Variants in CADPS2 observed in about 807,000 individuals in gnomAD.
CADPS2 encodes the protein calcium-dependent secretion activator 2.
A neutral mutation model predicts 172.5 loss-of-function variants in CADPS2; 93 were observed. That is an observed-to-expected ratio of 0.54 (90% CI 0.46 to 0.64). The LOEUF (loss-of-function observed/expected upper bound fraction) is 0.64, where lower values mean the gene tolerates loss of function less well. CADPS2 is among the 30% of genes least tolerant of loss of function. CADPS2 has a pLI of 0.00. For synonymous variants in CADPS2, 546 were observed against 555.2 expected, an observed-to-expected ratio of 0.98 and a Z score of 0.23; for missense variants, 1,420 against 1,565.9, an observed-to-expected ratio of 0.91 and a Z score of 1.57.
At chr7:122,511,280 C>CCTTT (rs2059982506) in intron 9 of CADPS2, among the ~76,000 whole-genome samples, 1 of 151,950 alleles carries the variant, frequency 6.6e-6, no homozygotes, top group Admixed American at 6.6e-5. Context: ...ACAATTCCTT[C>CCTTT]ATTTCCAAAC....
chr7:122,462,892 T>C (rs776514878), intron 14 of CADPS2, among the ~76,000 whole-genome samples: 2 of 152,082 alleles, frequency 1.3e-5, no homozygotes, highest in Non-Finnish European at 2.9e-5. Flanking sequence ...AGGAGGAAGA[T>C]CACTTGAGCC....
chr7:122,576,418 T>C (rs1289680668), intron 7 of CADPS2, among the ~76,000 whole-genome samples: 2 of 152,176 alleles, frequency 1.3e-5, no homozygotes, highest in Non-Finnish European at 2.9e-5. Context: ...AGCTATGTCA[T>C]ACCTGTAGAG....
intron 2 of CADPS2, among the ~76,000 whole-genome samples, chr7:122,714,505 G>T (rs2089293352): frequency 6.6e-6 from 1 of 151,818 alleles, no homozygotes; most frequent in Non-Finnish European, 1.5e-5. Flanking sequence ...ACAATAAGTG[G>T]GGCTATGGGT....
At chr7:122,688,780 C>T (rs749413572) in intron 2 of CADPS2, among the ~76,000 whole-genome samples, 1 of 151,998 alleles carries the variant, frequency 6.6e-6, no homozygotes, top group African/African-American at 2.4e-5. Flanking sequence ...GGGAGTTATA[C>T]ACCTGAGCTC....
In CADPS2 at chr7:122,556,622, C is replaced by A. The variant is rs375999090; in HGVS notation, c.1336-1933G>T. On this transcript the variant is annotated intron_variant, in intron 7 of 29. Transcript: ENST00000449022. Reference sequence around the variant, plus strand: ...AAAATAACTGATTTTGGCTGATCCACAAATTAAAGGCTATCCCAATATCGA... The same window carrying A: ...AAAATAACTGATTTTGGCTGATCCAAAAATTAAAGGCTATCCCAATATCGA... 2.6e-5 allele frequency among the ~76,000 whole-genome samples: 4 copies of A among 152,106 alleles called. No homozygotes were observed. The East Asian group carries it at 7.7e-4, about 29-fold the overall frequency.
intron 14 of CADPS2, among the ~76,000 whole-genome samples, chr7:122,456,527 C>A (rs904748041): frequency 6.6e-6 from 1 of 152,106 alleles, no homozygotes; most frequent in Non-Finnish European, 1.5e-5. Context: ...AGATACACTT[C>A]TTTTAATTAC....
intron 25 of CADPS2, among the ~76,000 whole-genome samples, chr7:122,374,867 A>G (rs894214090): frequency 1.3e-5 from 2 of 152,224 alleles, no homozygotes; most frequent in Non-Finnish European, 2.9e-5. Context: ...AACTTAAAGT[A>G]TAATTTTAAA....
intron 11 of CADPS2, among the ~76,000 whole-genome samples, chr7:122,484,703 T>A (rs946133161): frequency 1.3e-5 from 2 of 151,584 alleles, no homozygotes; most frequent in African/African-American, 4.8e-5. Flanking sequence ...TTAAGAGATG[T>A]GAAAAGACAA....
intron 6 of CADPS2, among the ~76,000 whole-genome samples, chr7:122,604,659 C>T (rs1389296935): frequency 6.6e-6 from 1 of 152,130 alleles, no homozygotes; most frequent in African/African-American, 2.4e-5. Context: ...TTTTCTCATG[C>T]ACTTCCCACA....
At chr7:122,682,523 G>C (rs2083163152) in intron 2 of CADPS2, among the ~76,000 whole-genome samples, 1 of 152,048 alleles carries the variant, frequency 6.6e-6, no homozygotes, top group Non-Finnish European at 1.5e-5. Context: ...TAAAAATTTA[G>C]TGTATTACTT....
intron 15 of CADPS2, among the ~76,000 whole-genome samples, chr7:122,445,184 GGTAAATTCTTTGCATTTACAT>G (rs1377804862): frequency 6.6e-6 from 1 of 151,876 alleles, no homozygotes; most frequent in Non-Finnish European, 1.5e-5. Context: ...TTTTTGCTAT[GGTAAATTCTTTGCATTTACAT>G]GTAAATTCTA....
chr7:122,713,794 A>G (rs1042317063), intron 2 of CADPS2, among the ~76,000 whole-genome samples: 1 of 152,078 alleles, frequency 6.6e-6, no homozygotes, highest in Non-Finnish European at 1.5e-5. Flanking sequence ...AGATGCATGA[A>G]AACAGTGATA....
chr7:122,729,137 C>T (rs2091398429), intron 2 of CADPS2, among the ~76,000 whole-genome samples: 1 of 151,762 alleles, frequency 6.6e-6, no homozygotes, highest in Non-Finnish European at 1.5e-5. Context: ...CTGTGTCTGG[C>T]TTATTTCACT....
At chr7:122,777,506 T>C (rs1192504077) in intron 1 of CADPS2, among the ~76,000 whole-genome samples, 1 of 152,122 alleles carries the variant, frequency 6.6e-6, no homozygotes, top group Non-Finnish European at 1.5e-5. Flanking sequence ...GGCTACAAGG[T>C]GACTGATACA....
intron 8 of CADPS2, among the ~76,000 whole-genome samples, chr7:122,517,544 T>C (rs1450102664): frequency 6.6e-6 from 1 of 152,050 alleles, no homozygotes; most frequent in Admixed American, 6.6e-5. Context: ...TACATCTTAC[T>C]TTTGTAATCA....
chr7:122,585,651 G>A (rs2069560455), intron 6 of CADPS2: 1 of 151,754 alleles, frequency 6.6e-6, no homozygotes, highest in Admixed American at 6.6e-5. Context: ...CTGTCATTTT[G>A]TGTTGACTCA....
chr7:122,800,600 C>T (rs1316519411), intron 1 of CADPS2, among the ~76,000 whole-genome samples: 1 of 151,878 alleles, frequency 6.6e-6, no homozygotes, highest in Non-Finnish European at 1.5e-5. Context: ...GGTCCTAGAT[C>T]ATGAAGTAAA....
At chr7:122,546,753 G>A (rs1159915685) in intron 8 of CADPS2, among the ~76,000 whole-genome samples, 29 of 152,138 alleles carry the variant, frequency 1.9e-4, no homozygotes, top group Admixed American at 1.9e-3. Context: ...TCTTGGTACT[G>A]TCAGCCCATG....
At chr7:122,530,281 A>C (rs2061643378) in intron 8 of CADPS2, among the ~76,000 whole-genome samples, 1 of 151,958 alleles carries the variant, frequency 6.6e-6, no homozygotes, top group African/African-American at 2.4e-5. Context: ...TAAGCTTTGA[A>C]ATAAGAAAAG....
Sources: gnomAD v4.1 joint callset for allele counts (sites outside exome capture counted in the v4.1 genomes callset) on GRCh38, gnomAD v4.1.1 for gene constraint, MANE v1.5 for transcripts, NCBI Gene and HGNC (gene_info 2026-07-23, HGNC 2026-07-21) for gene names.